Variants in SND1 observed in about 807,000 individuals in gnomAD.
SND1 encodes staphylococcal nuclease domain-containing protein 1.
In SND1, 38 loss-of-function variants were observed where a neutral mutation model predicts 121.7. The observed-to-expected ratio is 0.31, with a 90% CI of 0.24 to 0.41. The LOEUF (loss-of-function observed/expected upper bound fraction) is 0.41. Among genes scored for constraint, SND1 ranks in the 10% least tolerant of loss-of-function variants. The pLI is 1.00. For synonymous variants in SND1, 401 were observed against 447.4 expected, an observed-to-expected ratio of 0.90 and a Z score of 1.31; for missense variants, 868 against 1,184.6, an observed-to-expected ratio of 0.73 and a Z score of 3.92.
At chr7:127,816,908 G>A (rs1798453372) in intron 11 of SND1, among the ~76,000 whole-genome samples, 1 of 152,086 alleles carries the variant, frequency 6.6e-6, no homozygotes, top group East Asian at 1.9e-4. Flanking sequence ...TGATCTGTCT[G>A]CTTTGGCCTC....
At chr7:127,952,328 T>C (rs1801479855) in intron 15 of SND1, among the ~76,000 whole-genome samples, 2 of 152,218 alleles carry the variant, frequency 1.3e-5, no homozygotes, top group Admixed American at 6.5e-5. Context: ...GTGGCACCAA[T>C]GTGCATTTCC....
intron 14 of SND1, among the ~76,000 whole-genome samples, 184 bp from the exon 15 acceptor site, chr7:127,929,004 G>C (rs1345645853): frequency 6.6e-6 from 1 of 152,204 alleles, no homozygotes; most frequent in Non-Finnish European, 1.5e-5. Flanking sequence ...TCTGGAAACT[G>C]TCGATTAACT....
At chr7:127,902,723 CTT>C (rs79618589) in intron 13 of SND1, among the ~76,000 whole-genome samples, 1 of 148,322 alleles carries the variant, frequency 6.7e-6, no homozygotes, top group Admixed American at 6.7e-5. Context: ...ATTTCTTTTA[CTT>C]TTTTTTTTTG....
intron 10 of SND1, among the ~76,000 whole-genome samples, chr7:127,737,208 G>A (rs920148571): frequency 6.6e-6 from 1 of 152,198 alleles, no homozygotes; most frequent in Non-Finnish European, 1.5e-5. Flanking sequence ...GACAAATGAG[G>A]GTTCTCCCCA....
chr7:127,774,580 ATTT>A (rs71179600), intron 10 of SND1, among the ~76,000 whole-genome samples: 2 of 139,186 alleles, frequency 1.4e-5, no homozygotes. Context: ...ATTTTTTATC[ATTT>A]TTTTTTTTTT....
At chr7:127,727,712 G>A (rs1386073355) in intron 10 of SND1, among the ~76,000 whole-genome samples, 1 of 152,176 alleles carries the variant, frequency 6.6e-6, no homozygotes, top group African/African-American at 2.4e-5. Flanking sequence ...TGGGACTGCA[G>A]CAATGTGATC....
intron 1 of SND1, among the ~76,000 whole-genome samples, chr7:127,661,427 A>AT (rs2116234901): frequency 6.6e-6 from 1 of 152,284 alleles, no homozygotes; most frequent in East Asian, 1.9e-4. Context: ...CAAAACTAAG[A>AT]TTTTAAATTC....
At chr7:127,885,258 C>T (rs1799874759) in intron 12 of SND1, among the ~76,000 whole-genome samples, 1 of 152,118 alleles carries the variant, frequency 6.6e-6, no homozygotes, top group Non-Finnish European at 1.5e-5. Context: ...TGGTGTATCA[C>T]ATGGGGAACC....
At chr7:127,722,134 C>T (rs998313712) in intron 10 of SND1, among the ~76,000 whole-genome samples, 1 of 152,038 alleles carries the variant, frequency 6.6e-6, no homozygotes, top group Non-Finnish European at 1.5e-5. Context: ...TTTTTACAGA[C>T]GTCTTTCCCG....
At chr7:127,705,109 G>A (rs1796165990) in intron 8 of SND1, among the ~76,000 whole-genome samples, 164 bp downstream of exon 8, 2 of 152,182 alleles carry the variant, frequency 1.3e-5, no homozygotes, top group Non-Finnish European at 2.9e-5. Context: ...TTGGTCTTCA[G>A]GTTCAGTCTA....
At chr7:127,826,272 C>T (rs1798641416) in intron 11 of SND1, among the ~76,000 whole-genome samples, 1 of 151,986 alleles carries the variant, frequency 6.6e-6, no homozygotes, top group African/African-American at 2.4e-5. Context: ...ATTTTAATGG[C>T]TTTATGTTAT....
chr7:127,713,221 G>A (rs1002998372), intron 9 of SND1, among the ~76,000 whole-genome samples: 10 of 152,248 alleles, frequency 6.6e-5, no homozygotes, highest in Non-Finnish European at 2.9e-5. Context: ...AATATTCCAG[G>A]AAAACTTTAT....
Position 128,029,245 on chromosome 7 carries a change from GCGAGATCTC to G in SND1, c.1779+38192_1779+38200del. The G allele has an allele frequency of 6.2e-7, 1 of 1,614,122 alleles. No individual in the cohort carries two copies. Among genetic ancestry groups the G allele is most frequent in the Non-Finnish European group, 8.5e-7 (1 of 1,180,028 alleles). On this transcript the variant is annotated intron_variant, in intron 16 of 23. Transcript: ENST00000354725. This position sits in a 1 kb window ranked among gnomAD's most constrained non-coding sequence, Gnocchi z 4.2. ...TTGTACTTTCGCGTTGTGTCCTCAG[GCGAGATCTC>G]CGTGGTCTCCACTGTTACTGTGGTG...
intron 15 of SND1, among the ~76,000 whole-genome samples, chr7:127,959,076 C>A (rs1801667894): frequency 6.6e-6 from 1 of 152,180 alleles, no homozygotes; most frequent in African/African-American, 2.4e-5. Context: ...TAATTTAACA[C>A]CATCCTAGAG....
At chr7:128,091,279 C>A (rs1307411649) in intron 22 of SND1, among the ~76,000 whole-genome samples, 1 of 152,160 alleles carries the variant, frequency 6.6e-6, no homozygotes, top group South Asian at 2.1e-4. Context: ...GGCACAGTGC[C>A]GGAATCACGA....
At chr7:127,874,348 A>T (rs78444093) in intron 12 of SND1, among the ~76,000 whole-genome samples, 1 of 152,292 alleles carries the variant, frequency 6.6e-6, no homozygotes, top group Non-Finnish European at 1.5e-5. Flanking sequence ...GTTGACTTTC[A>T]AACACATATT....
intron 15 of SND1, among the ~76,000 whole-genome samples, chr7:127,930,438 A>G (rs528999969): frequency 6.6e-6 from 1 of 152,226 alleles, no homozygotes; most frequent in East Asian, 1.9e-4. Context: ...TGAGAGATAA[A>G]TCACTCCCTG....
rs755725975 is a variant in SND1 at position 128,030,684 on chromosome 7, C to T, written c.1779+39628C>T. The T allele has an allele frequency of 2.6e-5, 40 of 1,521,716 alleles. No individual in the cohort carries two copies. The East Asian group carries it at 4.3e-4, about 16-fold the overall frequency. The allele number at this position is 1,521,716 out of a possible 1,614,324, so 94.3% of individuals were successfully genotyped here. A position where few individuals can be genotyped will look rare whatever the true frequency, so the allele number is the denominator to read the frequency against. ...TTCACCATCGCCTGGGATTTTGGCT[C>T]GGAAAGGAGAACCAGCCCTACCCCG... On this transcript the variant is annotated intron_variant, in intron 16 of 23. Transcript: ENST00000354725.
At chr7:127,920,273 T>C (rs986029347) in intron 14 of SND1, among the ~76,000 whole-genome samples, 3 of 152,140 alleles carry the variant, frequency 2.0e-5, no homozygotes. Flanking sequence ...GTTTGTTTGT[T>C]AAACAAAAAT....
Sources: allele counts gnomAD v4.1 joint callset (sites outside exome capture counted in the v4.1 genomes callset), GRCh38; gene constraint gnomAD v4.1.1; non-coding constraint Gnocchi (gnomAD v3.1); transcripts MANE v1.5; gene names NCBI Gene and HGNC (gene_info 2026-07-23, HGNC 2026-07-21).